Variants in CEMIP observed in about 807,000 individuals in gnomAD.
CEMIP encodes the protein cell migration inducing hyaluronidase 1, also known as cell migration-inducing and hyaluronan-binding protein.
CEMIP carries 105 observed loss-of-function variants against 156.9 expected under a neutral mutation model. The ratio of observed to expected loss-of-function variants is 0.67; its 90% confidence interval spans 0.57 to 0.79. CEMIP has a LOEUF of 0.79. CEMIP is among the 30% of genes least tolerant of loss of function. The probability of loss-of-function intolerance (pLI) is 0.00; values close to 1 mark genes in which losing one functional copy is unlikely to be tolerated. For missense variants in CEMIP, 1,457 were observed against 1,769.4 expected (o/e 0.82, Z 3.17); for synonymous variants, 676 against 668.4 (o/e 1.01, Z -0.17).
chr15:80,858,569 T>C (rs1307625295), intron 1 of CEMIP, among the ~76,000 whole-genome samples: 1 of 128,698 alleles, frequency 7.8e-6, no homozygotes, highest in Non-Finnish European at 1.7e-5. Context: ...AAAAAAAAAA[T>C]ACAAAATTAG....
intron 6 of CEMIP, among the ~76,000 whole-genome samples, chr15:80,881,713 G>C (rs1898666499): frequency 6.6e-6 from 1 of 152,136 alleles, no homozygotes; most frequent in African/African-American, 2.4e-5. Context: ...CTTCTAAGTG[G>C]GATGCAAAGT....
chr15:80,905,364 A>G (rs1007654109), intron 12 of CEMIP, among the ~76,000 whole-genome samples: 16 of 152,224 alleles, frequency 1.1e-4, no homozygotes, highest in African/African-American at 3.6e-4. Context: ...AGCCCAACGA[A>G]TTTAGAGCCC....
At chr15:80,845,133 ATGTC>A (rs1197981712) in intron 1 of CEMIP, among the ~76,000 whole-genome samples, 1 of 152,182 alleles carries the variant, frequency 6.6e-6, no homozygotes, top group East Asian at 1.9e-4. Context: ...GATGAATCTA[ATGTC>A]TGAGGAGGAA....
chr15:80,882,333 T>TA (rs1160695030), intron 6 of CEMIP, among the ~76,000 whole-genome samples: 2 of 152,228 alleles, frequency 1.3e-5, no homozygotes, highest in East Asian at 3.8e-4. Context: ...ATCTACCTTG[T>TA]AGAGATGAAA....
intron 12 of CEMIP, among the ~76,000 whole-genome samples, chr15:80,900,336 C>T (rs547430230): frequency 6.6e-6 from 1 of 152,128 alleles, no homozygotes; most frequent in African/African-American, 2.4e-5. Context: ...AGGGGGGCAG[C>T]TCCAGGCCCC....
Position 80,942,259 on chromosome 15 carries a change from G to A in CEMIP, c.3621G>A (p.Lys1207=). The change falls in exon 27 of 30, where the codon AAG becomes AAA. Residue 1207 remains lysine (K), a synonymous_variant. Coordinates refer to ENST00000394685, the MANE Select transcript of CEMIP (RefSeq NM_001293298.2). ...KKLFGSQLKT[K]DHFLEVKMES... ...TTCTATGTGTTTTCCAGAAAACAAA[G>A]GACCATTTCTTGGAGGTGAAGATGG... The A allele has an allele frequency of 6.2e-7, 1 of 1,613,884 alleles. No homozygotes were observed. The highest frequency in any genetic ancestry group is 1.1e-5 in the South Asian group (1 of 91,078).
chr15:80,802,364 T>A lies in CEMIP; in HGVS notation c.-176+22750T>A, dbSNP rs187778330. Reference sequence around the variant, plus strand: ...AGGGGCCAAAGCCCTGTTATCCCTTTCGCCCTTCCTGATGGCTCTGCCTCT... The same window carrying A: ...AGGGGCCAAAGCCCTGTTATCCCTTACGCCCTTCCTGATGGCTCTGCCTCT... On this transcript the variant is annotated intron_variant, in intron 1 of 29. Transcript: ENST00000394685. Among the ~76,000 whole-genome samples the A allele has an allele frequency of 9.2e-5, 14 of 152,332 alleles. No individual in the cohort carries two copies. In the East Asian group the frequency reaches 2.7e-3, roughly 29 times the overall value.
chr15:80,878,581 C>G (rs1898544601), intron 3 of CEMIP, 140 bp from the exon 4 acceptor site: 1 of 1,064,870 alleles, frequency 9.4e-7, no homozygotes, highest in Non-Finnish European at 1.4e-6. Flanking sequence ...GGTCTCTCAG[C>G]TCTCTAAGGT....
At chr15:80,780,306 G>T (rs747110948) in intron 1 of CEMIP, among the ~76,000 whole-genome samples, 1 of 152,228 alleles carries the variant, frequency 6.6e-6, no homozygotes, top group Non-Finnish European at 1.5e-5. Context: ...AAAGGACGTC[G>T]GCTCCAAGAA....
chr15:80,879,433 G>A (rs1043750312), intron 4 of CEMIP, among the ~76,000 whole-genome samples: 3 of 152,146 alleles, frequency 2.0e-5, no homozygotes, highest in Non-Finnish European at 4.4e-5. Context: ...GTATATGGGA[G>A]GATGTGCATA....
chr15:80,887,880 C>A, intron 8 of CEMIP, 116 bp downstream of exon 8: 2 of 876,262 alleles, frequency 2.3e-6, no homozygotes, highest in South Asian at 1.4e-5. Context: ...CTCCCAATGT[C>A]TAGATGAGTG....
chr15:80,915,658 C>T lies in CEMIP; in HGVS notation c.1798-4436C>T, dbSNP rs12904885. Among the ~76,000 whole-genome samples, 11 of 151,908 alleles carry T rather than the reference C, an allele frequency of 7.2e-5. 1 individual carries two copies. Among genetic ancestry groups the T allele is most frequent in the South Asian group, 2.1e-4 (1 of 4,806 alleles). On this transcript the variant is annotated intron_variant, in intron 14 of 29. Coordinates refer to ENST00000394685, the MANE Select transcript of CEMIP (RefSeq NM_001293298.2). ...CCCTCTATAGACCAAACGCTTCCCCCCAGGCTACTCCCTCCCCAACCTGGT... is the reference window on the plus strand; with the variant it reads ...CCCTCTATAGACCAAACGCTTCCCCTCAGGCTACTCCCTCCCCAACCTGGT...
chr15:80,780,252 C>A (rs1421805594), intron 1 of CEMIP, among the ~76,000 whole-genome samples: 7 of 152,234 alleles, frequency 4.6e-5, no homozygotes, highest in Admixed American at 4.6e-4. Flanking sequence ...TAGACTGAGA[C>A]TCCAAACGTG....
chr15:80,790,232 T>A (rs946439581), intron 1 of CEMIP, among the ~76,000 whole-genome samples: 3 of 152,204 alleles, frequency 2.0e-5, no homozygotes, highest in Non-Finnish European at 4.4e-5. Context: ...AAATATTTTT[T>A]AAATATTCAA....
intron 1 of CEMIP, among the ~76,000 whole-genome samples, chr15:80,854,136 CCT>C (rs1897782919): frequency 1.3e-5 from 2 of 152,238 alleles, no homozygotes; most frequent in African/African-American, 4.8e-5. Flanking sequence ...AGTGCTACCT[CCT>C]CTCTCTGCCA....
intron 10 of CEMIP, among the ~76,000 whole-genome samples, chr15:80,894,263 T>C (rs1899134102): frequency 6.6e-6 from 1 of 152,278 alleles, no homozygotes; most frequent in South Asian, 2.1e-4. Context: ...CTTAGAAGTG[T>C]TGTGATGTAG....
chr15:80,796,307 C>T (rs755670986), intron 1 of CEMIP, among the ~76,000 whole-genome samples: 1 of 152,140 alleles, frequency 6.6e-6, no homozygotes, highest in Non-Finnish European at 1.5e-5. Flanking sequence ...TTTGAAGTAG[C>T]TTCTCTTTGT....
intron 1 of CEMIP, among the ~76,000 whole-genome samples, chr15:80,828,879 G>A (rs577650857): frequency 1.3e-5 from 2 of 152,242 alleles, no homozygotes; most frequent in Non-Finnish European, 2.9e-5. Flanking sequence ...GTTGATCTGT[G>A]TGAGCCAGGA....
At chr15:80,789,493 G>T (rs1327439121) in intron 1 of CEMIP, among the ~76,000 whole-genome samples, 3 of 152,168 alleles carry the variant, frequency 2.0e-5, no homozygotes, top group Admixed American at 6.5e-5. Flanking sequence ...TCAGTTCCTG[G>T]TAGTGAGAGA....
Sources: allele counts gnomAD v4.1 joint callset (sites outside exome capture counted in the v4.1 genomes callset), GRCh38; gene constraint gnomAD v4.1.1; transcripts MANE v1.5; gene names NCBI Gene and HGNC (gene_info 2026-07-23, HGNC 2026-07-21).